Variants in KCNIP4 observed in about 807,000 individuals in gnomAD.
The protein encoded by KCNIP4 is potassium voltage-gated channel interacting protein 4.
In KCNIP4, 12 loss-of-function variants were observed where a neutral mutation model predicts 34.0. That is an observed-to-expected ratio of 0.35 (90% CI 0.23 to 0.57). The LOEUF is 0.57. KCNIP4 is among the 20% of genes least tolerant of loss of function. The probability of loss-of-function intolerance (pLI) is 0.83; values close to 1 mark genes in which losing one functional copy is unlikely to be tolerated. For synonymous variants in KCNIP4, 124 were observed against 102.2 expected, an observed-to-expected ratio of 1.21 and a Z score of -1.29; for missense variants, 238 against 311.7, an observed-to-expected ratio of 0.76 and a Z score of 1.78.
intron 1 of KCNIP4, among the ~76,000 whole-genome samples, chr4:21,856,161 C>T (rs1724739979): frequency 6.6e-6 from 1 of 152,112 alleles, no homozygotes; most frequent in Non-Finnish European, 1.5e-5. Flanking sequence ...TATCATGGTG[C>T]TGATATATCA....
chr4:21,253,261 G>A (rs1174669295), intron 1 of KCNIP4, among the ~76,000 whole-genome samples: 2 of 152,072 alleles, frequency 1.3e-5, no homozygotes, highest in Non-Finnish European at 2.9e-5. Context: ...GGTCTCTGAG[G>A]CTCATTTTTG....
intron 1 of KCNIP4, among the ~76,000 whole-genome samples, chr4:21,321,398 C>T (rs1578074647): frequency 6.6e-6 from 1 of 151,960 alleles, no homozygotes; most frequent in Admixed American, 6.6e-5. Context: ...TAAGTGACAA[C>T]CAGGGAAGAT....
chr4:21,632,268 C>T (rs1745818229), intron 1 of KCNIP4, among the ~76,000 whole-genome samples: 1 of 152,114 alleles, frequency 6.6e-6, no homozygotes, highest in South Asian at 2.1e-4. Flanking sequence ...GGCTGGAGTG[C>T]AATGGTGTGA....
At chr4:21,676,031 G>A (rs114423022) in intron 1 of KCNIP4, among the ~76,000 whole-genome samples, 133 of 152,262 alleles carry the variant, frequency 8.7e-4, no homozygotes, top group African/African-American at 3.1e-3. Context: ...TATATACTGA[G>A]AAAACCATAT....
rs572137068 is a variant in KCNIP4, at chr4:20,912,886, T to C, written c.62-30177A>G. Among the ~76,000 whole-genome samples the C allele has an allele frequency of 2.5e-3, 379 of 152,268 alleles. 1 individual carries two copies. Among genetic ancestry groups the C allele is most frequent in the Middle Eastern group, 6.8e-3 (2 of 294 alleles). ...TAAAAAAGGAGGACAATTATTTGTGTGGGTAAAGATGTGAAGATATTAGAA... is the reference window on the plus strand; with the variant it reads ...TAAAAAAGGAGGACAATTATTTGTGCGGGTAAAGATGTGAAGATATTAGAA... On this transcript the variant is annotated intron_variant, in intron 1 of 8. Coordinates refer to ENST00000382152, the MANE Select transcript of KCNIP4 (RefSeq NM_025221.6).
Position 21,614,847 on chromosome 4 carries a change from G to A in KCNIP4, c.61+333724C>T, listed in dbSNP as rs142709278. On this transcript the variant is annotated intron_variant, in intron 1 of 8. Transcript: ENST00000382152. ...TTCTGGGAAAGGAGTCTTAATCATT[G>A]AGAAGCAAACTCTGGAGCCATTTCA... 8.2e-4 allele frequency among the ~76,000 whole-genome samples: 125 copies of A among 152,214 alleles called. 1 individual carries two copies. The highest frequency in any genetic ancestry group is 3.4e-3 in the Middle Eastern group (1 of 294).
At chr4:21,011,149 A>G (rs1251282519) in intron 1 of KCNIP4, among the ~76,000 whole-genome samples, 2 of 152,214 alleles carry the variant, frequency 1.3e-5, no homozygotes, top group African/African-American at 2.4e-5. Context: ...TTAAAAACAT[A>G]TATAAGTAAT....
At chr4:21,479,256 C>T (rs1055966653) in intron 1 of KCNIP4, among the ~76,000 whole-genome samples, 3 of 151,904 alleles carry the variant, frequency 2.0e-5, no homozygotes, top group African/African-American at 7.2e-5. Context: ...TCAAAAAGAA[C>T]AAAACATAAA....
At chr4:21,801,118 G>A (rs966048757) in intron 1 of KCNIP4, among the ~76,000 whole-genome samples, 5 of 152,208 alleles carry the variant, frequency 3.3e-5, no homozygotes, top group Admixed American at 6.5e-5. Context: ...GTGTTCCCTC[G>A]GATGATTTAA....
chr4:21,297,885 G>A (rs1440206903), intron 1 of KCNIP4, among the ~76,000 whole-genome samples: 1 of 151,908 alleles, frequency 6.6e-6, no homozygotes, highest in East Asian at 1.9e-4. Flanking sequence ...TTCATACTGT[G>A]TATGACTTTT....
intron 1 of KCNIP4, among the ~76,000 whole-genome samples, chr4:21,478,704 G>A (rs923773397): frequency 6.6e-6 from 1 of 152,204 alleles, no homozygotes; most frequent in East Asian, 1.9e-4. Flanking sequence ...AAGCAAGACG[G>A]GGAATGCACT....
At chr4:21,862,818 G>A (rs989861837) in intron 1 of KCNIP4, among the ~76,000 whole-genome samples, 31 of 152,136 alleles carry the variant, frequency 2.0e-4, no homozygotes, top group South Asian at 1.0e-3. Flanking sequence ...AAAATTAGCC[G>A]GGCGTGGTGG....
intron 3 of KCNIP4, among the ~76,000 whole-genome samples, chr4:20,815,326 C>T (rs923093776): frequency 1.3e-5 from 2 of 152,098 alleles, no homozygotes; most frequent in African/African-American, 2.4e-5. Flanking sequence ...ACAGTGGCAG[C>T]TGTCATTTAA....
chr4:21,047,546 A>C (rs1019321631), intron 1 of KCNIP4, among the ~76,000 whole-genome samples: 6 of 152,352 alleles, frequency 3.9e-5, no homozygotes, highest in Admixed American at 3.3e-4. Context: ...TCTCATTTAC[A>C]TAAATAGAAA....
chr4:21,820,285 GTATA>G (rs869204752), intron 1 of KCNIP4, among the ~76,000 whole-genome samples: 439 of 20,602 alleles, frequency 0.021, 1 homozygote, highest in Middle Eastern at 0.042. Flanking sequence ...GTGTGTGTGT[GTATA>G]TATATATATA....
intron 1 of KCNIP4, among the ~76,000 whole-genome samples, chr4:21,332,885 T>G (rs1426204444): frequency 6.6e-6 from 1 of 152,058 alleles, no homozygotes; most frequent in East Asian, 1.9e-4. Flanking sequence ...CAAATTCTTT[T>G]TATGGTTTAT....
chr4:21,035,852 C>T (rs1339688588), intron 1 of KCNIP4, among the ~76,000 whole-genome samples: 1 of 152,130 alleles, frequency 6.6e-6, no homozygotes, highest in Non-Finnish European at 1.5e-5. Flanking sequence ...ATTGATGGAA[C>T]CCCTGTGTCC....
intron 1 of KCNIP4, among the ~76,000 whole-genome samples, chr4:21,805,065 G>C (rs1447825884): frequency 6.6e-6 from 1 of 152,214 alleles, no homozygotes; most frequent in African/African-American, 2.4e-5. Flanking sequence ...TTGCAGAACA[G>C]AGGGCTGAGA....
chr4:21,126,887 C>G (rs578175736), intron 1 of KCNIP4, among the ~76,000 whole-genome samples: 1 of 152,222 alleles, frequency 6.6e-6, no homozygotes, highest in Admixed American at 6.5e-5. Flanking sequence ...TGCTTTCTTG[C>G]CAAAGCAAAC....
Sources: allele counts gnomAD v4.1 joint callset (sites outside exome capture counted in the v4.1 genomes callset), GRCh38; gene constraint gnomAD v4.1.1; transcripts MANE v1.5; gene names NCBI Gene and HGNC (gene_info 2026-07-23, HGNC 2026-07-21).